The following NT5C3A variants were observed in gnomAD, a reference collection of about 807,000 sequenced individuals.
NT5C3A encodes 5'-nucleotidase, cytosolic IIIA.
NT5C3A carries 23 observed loss-of-function variants against 40.0 expected under a neutral mutation model. The ratio of observed to expected loss-of-function variants is 0.58; its 90% CI spans 0.41 to 0.81. The LOEUF (loss-of-function observed/expected upper bound fraction) is 0.81. Ranked by LOEUF, NT5C3A falls within the 40% of genes least tolerant of loss-of-function variation. The pLI is 0.00. For synonymous variants in NT5C3A, 130 were observed against 141.4 expected (o/e 0.92, Z 0.57); for missense variants, 328 against 403.0 (o/e 0.81, Z 1.59).
intron 1 of NT5C3A, among the ~76,000 whole-genome samples, chr7:33,060,794 C>T (rs940980559): frequency 6.6e-6 from 1 of 152,078 alleles, no homozygotes; most frequent in Non-Finnish European, 1.5e-5. Context: ...GGATTCCAAC[C>T]CAGGTCTTCT....
intron 6 of NT5C3A, among the ~76,000 whole-genome samples, chr7:33,017,915 C>T (rs1785425409): frequency 6.6e-6 from 1 of 152,212 alleles, no homozygotes; most frequent in Non-Finnish European, 1.5e-5. Context: ...CATAGCAGTG[C>T]ATGCCTATAG....
At position 33,036,585 on chromosome 7, in the gene NT5C3A, A is replaced by G. The variant is rs181873386; in HGVS notation, c.139-9670T>C. 3.7e-4 allele frequency among the ~76,000 whole-genome samples: 57 copies of G among 152,262 alleles called. No individual in the cohort carries two copies. In the South Asian group the frequency reaches 6.0e-3, roughly 16 times the overall value. On this transcript the variant is annotated intron_variant, in intron 1 of 8. Coordinates refer to ENST00000610140, the MANE Select transcript of NT5C3A (RefSeq NM_001002010.5). ...TTATATGGTATTAAGAAAATTGAATAAACAGTGAAAATGAAGTACATATTT... is the reference window on the plus strand; with the variant it reads ...TTATATGGTATTAAGAAAATTGAATGAACAGTGAAAATGAAGTACATATTT...
chr7:33,049,969 C>CAAAA lies in NT5C3A; in HGVS notation c.138+12595_138+12598dup, dbSNP rs61035673. Among the ~76,000 whole-genome samples, 111 of 58,458 alleles carry CAAAA rather than the reference C, an allele frequency of 1.9e-3. 1 individual carries two copies. The highest frequency in any genetic ancestry group is 5.8e-3 in the African/African-American group (105 of 18,150). The allele number at this position is 58,458 out of a possible 152,430, so 38.4% of individuals were successfully genotyped here. A position where few individuals can be genotyped will look rare whatever the true frequency, so the allele number is the denominator to read the frequency against. ...TGGGCGACAGAGGGAGACTCCATCT[C>CAAAA]AAAAAAAAAAAAAAAAAAAAAAATT... On this transcript the variant is annotated intron_variant, in intron 1 of 8. Coordinates refer to ENST00000610140, the MANE Select transcript of NT5C3A (RefSeq NM_001002010.5).
chr7:33,047,766 T>C (rs1787213864), intron 1 of NT5C3A, among the ~76,000 whole-genome samples: 1 of 152,226 alleles, frequency 6.6e-6, no homozygotes, highest in African/African-American at 2.4e-5. Context: ...CTAGATTCAC[T>C]TTTATATCAA....
At chr7:33,043,408 C>T (rs555259099) in intron 1 of NT5C3A, among the ~76,000 whole-genome samples, 1 of 152,038 alleles carries the variant, frequency 6.6e-6, no homozygotes, top group Non-Finnish European at 1.5e-5. Flanking sequence ...ATTTAAATAG[C>T]GTGTTAAAAA....
At chr7:33,023,766 T>C (rs1310086066) in intron 3 of NT5C3A, 5 of 393,960 alleles carry the variant, frequency 1.3e-5, no homozygotes, top group Non-Finnish European at 2.3e-5. Flanking sequence ...TACAACCTAT[T>C]TAAATATTTC....
intron 1 of NT5C3A, among the ~76,000 whole-genome samples, chr7:33,037,804 T>C (rs940594231): frequency 5.9e-5 from 9 of 152,192 alleles, no homozygotes; most frequent in Admixed American, 3.9e-4. Flanking sequence ...GATGTGTATG[T>C]GTATATATCT....
intron 3 of NT5C3A, among the ~76,000 whole-genome samples, chr7:33,023,121 A>C (rs1785722624): frequency 6.6e-6 from 1 of 151,932 alleles, no homozygotes; most frequent in Admixed American, 6.6e-5. Flanking sequence ...TATGTTGCTC[A>C]GGCTGGTCTC....
chr7:33,045,848 C>A (rs1787124145), intron 1 of NT5C3A: 1 of 152,042 alleles, frequency 6.6e-6, no homozygotes, highest in Non-Finnish European at 1.5e-5. Flanking sequence ...TGGCTATTCA[C>A]AGGCATGACC....
Position 33,017,814 on chromosome 7 carries a change from A to G in NT5C3A, c.531-213T>C, listed in dbSNP as rs1205502104. Among the ~76,000 whole-genome samples, 4 of 152,250 alleles carry G rather than the reference A, an allele frequency of 2.6e-5. No homozygotes were observed. The East Asian group carries it at 5.8e-4, about 22-fold the overall frequency. On this transcript the variant is annotated intron_variant, in intron 6 of 8. Coordinates refer to ENST00000610140, the MANE Select transcript of NT5C3A (RefSeq NM_001002010.5). ...TTTACTTTCCCTTTAATCAATTCTA[A>G]TACTACAAACTAGATGTCTTTAAGC...
intron 1 of NT5C3A, among the ~76,000 whole-genome samples, chr7:33,047,203 T>TTTGG (rs1787191812): frequency 6.6e-6 from 1 of 152,172 alleles, no homozygotes; most frequent in Non-Finnish European, 1.5e-5. Context: ...AACAATATTG[T>TTTGG]TTAAGATCAC....
At chr7:33,046,699 G>C (rs923158308) in intron 1 of NT5C3A, among the ~76,000 whole-genome samples, 4 of 152,140 alleles carry the variant, frequency 2.6e-5, no homozygotes, top group African/African-American at 7.2e-5. Flanking sequence ...AGGTAGGTCA[G>C]GTTCAAGAAA....
chr7:33,053,264 G>A (rs999468783), intron 1 of NT5C3A, among the ~76,000 whole-genome samples: 4 of 151,890 alleles, frequency 2.6e-5, no homozygotes, highest in African/African-American at 7.3e-5. Flanking sequence ...TTTGGCTCAC[G>A]GCAACCTCTG....
intron 1 of NT5C3A, among the ~76,000 whole-genome samples, chr7:33,042,829 T>C (rs998692811): frequency 2.6e-5 from 4 of 152,232 alleles, no homozygotes; most frequent in African/African-American, 9.6e-5. Flanking sequence ...TACTGCAAAT[T>C]TGTTTTATAA....
rs1316907627 is a variant in NT5C3A, at chr7:33,014,353, A to T, written c.*377T>A. The stretch of plus-strand genomic sequence containing the variant: ...AAATTACAAAAATGGCAATACTTAA[A>T]ATCATGCATATTATTTCACCATTTC... On this transcript the variant is annotated 3_prime_UTR_variant, in exon 9 of 9. Transcript: ENST00000610140. The T allele has an allele frequency of 2.2e-6, 1 of 454,922 alleles. No individual in the cohort carries two copies. The highest frequency in any genetic ancestry group is 6.9e-4 in the Middle Eastern group (1 of 1,446). 28.2% of individuals were successfully genotyped at this position (454,922 alleles called of 1,614,324 possible).
At chr7:33,041,744 AT>A (rs539215320) in intron 1 of NT5C3A, among the ~76,000 whole-genome samples, 33 of 150,198 alleles carry the variant, frequency 2.2e-4, no homozygotes, top group Non-Finnish European at 3.0e-4. Flanking sequence ...AGAAAAAAAA[AT>A]TTTTTTTTTT....
chr7:33,023,998 T>G (rs746817692), intron 3 of NT5C3A, 41 bp downstream of exon 3: 1 of 1,139,364 alleles, frequency 8.8e-7, no homozygotes, highest in South Asian at 1.3e-5. Context: ...AAAATAATGA[T>G]GACATGCTTT....
rs764807270 is a variant in NT5C3A at position 33,014,752 on chromosome 7, G to C, written c.974C>G (p.Ser325Cys). Residue 325 changes from serine (S) to cysteine (C), a missense_variant, in exon 9 of 9, where the codon TCT becomes TGT. By Grantham distance (112) the Ser-to-Cys change is moderately radical. This residue lies in a region of NT5C3A where 36 missense variants were observed against 51.1 expected (regional missense o/e 0.70). Coordinates refer to ENST00000610140, the MANE Select transcript of NT5C3A (RefSeq NM_001002010.5). ...TGTTTATAGAATCTTCTGTAAAATAGAGTTGGCTACTTCTAATGATTCATC... is the reference window on the plus strand; with the variant it reads ...TGTTTATAGAATCTTCTGTAAAATACAGTTGGCTACTTCTAATGATTCATC... Reference protein sequence around the residue: ...VQDESLEVANSILQKIL With the variant: ...VQDESLEVANCILQKIL 6.2e-7 allele frequency: 1 copy of C among 1,612,456 alleles called. No homozygotes were observed. The highest frequency in any genetic ancestry group is 1.3e-5 in the African/African-American group (1 of 74,876).
At chr7:33,030,290 T>G (rs888044770) in intron 1 of NT5C3A, among the ~76,000 whole-genome samples, 5 of 152,230 alleles carry the variant, frequency 3.3e-5, no homozygotes, top group Admixed American at 6.5e-5. Flanking sequence ...TTGTGGTGGT[T>G]GTTGTTGAAC....
Sources: allele counts gnomAD v4.1 joint callset (sites outside exome capture counted in the v4.1 genomes callset), GRCh38; gene constraint gnomAD v4.1.1; regional missense constraint gnomAD v4.1.1; transcripts MANE v1.5; gene names NCBI Gene and HGNC (gene_info 2026-07-23, HGNC 2026-07-21).